The following DLG2 variants were observed in gnomAD, a reference collection of about 807,000 sequenced individuals.
DLG2 encodes the protein discs large MAGUK scaffold protein 2, also known as disks large homolog 2.
Under a neutral mutation model 132.5 loss-of-function variants are expected in DLG2, and 45 were observed. The ratio of observed to expected loss-of-function variants is 0.34; its 90% CI spans 0.27 to 0.44. The LOEUF (loss-of-function observed/expected upper bound fraction) is 0.44, where lower values mean the gene tolerates loss of function less well. Among genes scored for constraint, DLG2 ranks in the 20% least tolerant of loss-of-function variants. DLG2 has a pLI of 1.00. For missense variants in DLG2, 1,045 were observed against 1,196.9 expected, an observed-to-expected ratio of 0.87 and a Z score of 1.87; for synonymous variants, 424 against 419.6, an observed-to-expected ratio of 1.01 and a Z score of -0.13.
intron 3 of DLG2, among the ~76,000 whole-genome samples, chr11:85,517,758 C>T (rs1358820659): frequency 6.6e-6 from 1 of 152,074 alleles, no homozygotes; most frequent in Non-Finnish European, 1.5e-5. Context: ...TGCCACCATA[C>T]CTGGTGACAT....
chr11:84,447,166 A>C (rs934308709), intron 7 of DLG2, among the ~76,000 whole-genome samples: 1 of 152,216 alleles, frequency 6.6e-6, no homozygotes, highest in Non-Finnish European at 1.5e-5. Flanking sequence ...GACCACCACC[A>C]TCATTATTGT....
chr11:83,964,938 T>C (rs1038919181), intron 13 of DLG2, among the ~76,000 whole-genome samples: 1 of 152,118 alleles, frequency 6.6e-6, no homozygotes, highest in African/African-American at 2.4e-5. Context: ...CTACCTCTGG[T>C]CTATTTGCCA....
intron 6 of DLG2, among the ~76,000 whole-genome samples, chr11:84,954,106 C>T (rs1256985007): frequency 1.3e-5 from 2 of 152,054 alleles, no homozygotes; most frequent in Non-Finnish European, 2.9e-5. Flanking sequence ...GTCTTGGTCA[C>T]GGTGACTCTT....
intron 11 of DLG2, among the ~76,000 whole-genome samples, chr11:84,032,173 C>A (rs1176965626): frequency 6.6e-6 from 1 of 152,124 alleles, no homozygotes; most frequent in Admixed American, 6.6e-5. Flanking sequence ...AGTAATCACA[C>A]ACATATCCTT....
chr11:85,314,820 G>C (rs1396500676), intron 3 of DLG2, among the ~76,000 whole-genome samples: 7 of 152,008 alleles, frequency 4.6e-5, no homozygotes, highest in Admixed American at 4.6e-4. Flanking sequence ...TCACAGAGGG[G>C]AGAAAGGAGA....
intron 3 of DLG2, among the ~76,000 whole-genome samples, chr11:85,320,717 A>G (rs1048269819): frequency 4.6e-5 from 7 of 151,870 alleles, no homozygotes; most frequent in African/African-American, 1.7e-4. Flanking sequence ...AAGCCATGTA[A>G]TTATCTAGGG....
chr11:85,209,925 C>G (rs1292673825), intron 4 of DLG2, among the ~76,000 whole-genome samples: 3 of 152,026 alleles, frequency 2.0e-5, no homozygotes, highest in Non-Finnish European at 4.4e-5. Flanking sequence ...ACCTTTTATT[C>G]TCCCTACCTA....
intron 6 of DLG2, among the ~76,000 whole-genome samples, chr11:85,108,727 G>A (rs1476740850): frequency 6.6e-6 from 1 of 152,010 alleles, no homozygotes; most frequent in Admixed American, 6.6e-5. Flanking sequence ...CTCTAGGGGA[G>A]ACTCAGTAAA....
intron 2 of DLG2, among the ~76,000 whole-genome samples, chr11:85,608,566 C>G (rs1231185354): frequency 6.6e-6 from 1 of 152,118 alleles, no homozygotes; most frequent in Non-Finnish European, 1.5e-5. Flanking sequence ...TCCTAGCCTC[C>G]CTACAGCTCC....
chr11:84,107,649 G>T (rs575746317), intron 9 of DLG2, among the ~76,000 whole-genome samples: 1 of 152,024 alleles, frequency 6.6e-6, no homozygotes, highest in Non-Finnish European at 1.5e-5. Flanking sequence ...GGAATACTTC[G>T]CCCTCTGAGA....
chr11:83,989,672 C>T (rs771655019), intron 11 of DLG2, among the ~76,000 whole-genome samples: 3 of 152,194 alleles, frequency 2.0e-5, no homozygotes, highest in East Asian at 1.9e-4. Flanking sequence ...AAGAGTCAAC[C>T]GTCCTGAGTT....
chr11:84,208,300 G>C (rs1374564650), intron 8 of DLG2, among the ~76,000 whole-genome samples: 1 of 146,770 alleles, frequency 6.8e-6, no homozygotes, highest in Non-Finnish European at 1.5e-5. Flanking sequence ...TAGAGACTGT[G>C]TTTCTGTGGG....
At chr11:83,697,970 C>T (rs2082220257) in intron 18 of DLG2, among the ~76,000 whole-genome samples, 1 of 152,178 alleles carries the variant, frequency 6.6e-6, no homozygotes, top group South Asian at 2.1e-4. Context: ...TGATAAAACA[C>T]AGTGATTTCA....
chr11:85,501,960 C>A (rs2093814237), intron 3 of DLG2, among the ~76,000 whole-genome samples: 1 of 152,120 alleles, frequency 6.6e-6, no homozygotes, highest in Non-Finnish European at 1.5e-5. Flanking sequence ...GATAAAGACA[C>A]ATGTACACGT....
chr11:83,650,190 CT>C (rs1278285706), intron 18 of DLG2, among the ~76,000 whole-genome samples: 3 of 152,148 alleles, frequency 2.0e-5, no homozygotes, highest in Admixed American at 6.5e-5. Flanking sequence ...ATCCCGAGAA[CT>C]TGTGAATGTT....
chr11:83,934,143 C>T (rs1415532228), intron 14 of DLG2, among the ~76,000 whole-genome samples: 2 of 152,218 alleles, frequency 1.3e-5, no homozygotes, highest in Admixed American at 1.3e-4. Context: ...AGCTACCCAT[C>T]TCCCACCCTG....
chr11:84,445,449 T>C (rs2099030852), intron 7 of DLG2, among the ~76,000 whole-genome samples: 1 of 152,204 alleles, frequency 6.6e-6, no homozygotes, highest in Admixed American at 6.5e-5. Flanking sequence ...GCTTTGAAGA[T>C]ATTAACCTGC....
At chr11:84,291,526 TA>T (rs1015634932) in intron 7 of DLG2, among the ~76,000 whole-genome samples, 3 of 152,202 alleles carry the variant, frequency 2.0e-5, no homozygotes, top group African/African-American at 7.2e-5. Context: ...TTAACTGTTT[TA>T]TATAAGCTTA....
chr11:84,986,358 CAAA>C (rs2154122646), intron 6 of DLG2, among the ~76,000 whole-genome samples: 1 of 152,166 alleles, frequency 6.6e-6, no homozygotes, highest in African/African-American at 2.4e-5. Flanking sequence ...GACAGACAAT[CAAA>C]GAAGAATTGG....
Sources: allele counts gnomAD v4.1 joint callset (sites outside exome capture counted in the v4.1 genomes callset), GRCh38; gene constraint gnomAD v4.1.1; transcripts MANE v1.5; gene names NCBI Gene and HGNC (gene_info 2026-07-23, HGNC 2026-07-21).